Variants in EDEM3 observed in about 807,000 individuals in gnomAD.
The protein encoded by EDEM3 is ER degradation enhancing alpha-mannosidase like protein 3, also known as ER degradation-enhancing alpha-mannosidase-like protein 3.
EDEM3 carries 60 observed loss-of-function variants against 110.2 expected under a neutral mutation model. The ratio of observed to expected loss-of-function variants is 0.54; its 90% CI spans 0.44 to 0.67. The LOEUF (loss-of-function observed/expected upper bound fraction) is 0.67. EDEM3 is among the 30% of genes least tolerant of loss of function. The pLI, the probability that EDEM3 is intolerant of heterozygous loss-of-function variation, is 0.00. For synonymous variants in EDEM3, 352 were observed against 382.9 expected (o/e 0.92, Z 0.94); for missense variants, 996 against 1,121.0 (o/e 0.89, Z 1.59).
intron 1 of EDEM3, among the ~76,000 whole-genome samples, 165 bp from the exon 2 acceptor site, chr1:184,749,757 C>A (rs1288778767): frequency 6.6e-6 from 1 of 151,926 alleles, no homozygotes; most frequent in Non-Finnish European, 1.5e-5. Context: ...ACTACAACAG[C>A]TAGCAGACAA....
intron 18 of EDEM3, among the ~76,000 whole-genome samples, chr1:184,704,549 G>A (rs900534726): frequency 6.9e-6 from 1 of 145,568 alleles, no homozygotes; most frequent in Non-Finnish European, 1.5e-5. Flanking sequence ...TACTCAGGAG[G>A]CTGAGGCATA....
chr1:184,733,043 A>T, intron 5 of EDEM3, 53 bp from the exon 6 acceptor site: 2 of 1,532,646 alleles, frequency 1.3e-6, no homozygotes, highest in Non-Finnish European at 8.8e-7. Context: ...ATTAAAAGTT[A>T]CCATCTAAAA....
chr1:184,716,737 G>T, intron 13 of EDEM3, 151 bp downstream of exon 13: 1 of 1,033,380 alleles, frequency 9.7e-7, no homozygotes, highest in Non-Finnish European at 1.3e-6. Context: ...TAAAATTAGT[G>T]TATTCAACAG....
chr1:184,749,518 TGGTA>T, intron 2 of EDEM3, 25 bp downstream of exon 2: 1 of 1,488,058 alleles, frequency 6.7e-7, no homozygotes, highest in Non-Finnish European at 9.2e-7. Flanking sequence ...CTCACATAAA[TGGTA>T]GGTAAAGATA....
chr1:184,726,221 A>G lies in EDEM3; in HGVS notation c.747+34T>C, dbSNP rs186925731. 124 of 1,608,334 alleles carry G rather than the reference A, an allele frequency of 7.7e-5. No homozygotes were observed. The African/African-American group carries it at 1.5e-3, about 20-fold the overall frequency. ...GAAGATATAAAGGTAGTTATGCCCA[A>G]TACCCAGGATATCAAAGACCGTAAA... On this transcript the variant is annotated intron_variant, in intron 7 of 19. Transcript: ENST00000318130.
In EDEM3 at chr1:184,721,503, A is replaced by T. The variant is rs1445874795; in HGVS notation, c.854-117T>A. 4.9e-6 allele frequency: 3 copies of T among 609,586 alleles called. No individual in the cohort carries two copies. In the Admixed American group the frequency reaches 1.1e-4, roughly 23 times the overall value. 37.8% of individuals were successfully genotyped at this position (609,586 alleles called of 1,614,324 possible). Reference sequence around the variant, plus strand: ...TAACATTGTGCATATATATGACTACACCAGTTTAGATTTGCCCTGGAACAG... The same window carrying T: ...TAACATTGTGCATATATATGACTACTCCAGTTTAGATTTGCCCTGGAACAG... On this transcript the variant is annotated intron_variant, in intron 8 of 19. Coordinates refer to ENST00000318130, the MANE Select transcript of EDEM3 (RefSeq NM_025191.4).
rs115323973 is a variant in EDEM3, at chr1:184,706,892, A to G, written c.2038-84T>C. On this transcript the variant is annotated intron_variant, in intron 17 of 19. Transcript: ENST00000318130. ...TAAACCTCAATATCTAGAGTTTTAA[A>G]AGAACTAGAACTCATTTCTTTTCTA... 4,108 of 1,363,830 alleles carry G rather than the reference A, an allele frequency of 3.0e-3. 38 individuals carry two copies. The highest frequency in any genetic ancestry group is 0.026 in the East Asian group (1,077 of 40,896). 84.5% of individuals were successfully genotyped at this position (1,363,830 alleles called of 1,614,324 possible).
At chr1:184,727,974 A>G (rs1651281114) in intron 6 of EDEM3, among the ~76,000 whole-genome samples, 1 of 152,228 alleles carries the variant, frequency 6.6e-6, no homozygotes, top group African/African-American at 2.4e-5. Context: ...ATAAAGATGT[A>G]ATCACATGAA....
chr1:184,705,070 C>A (rs1169884769), intron 18 of EDEM3, among the ~76,000 whole-genome samples: 2 of 151,874 alleles, frequency 1.3e-5, no homozygotes, highest in African/African-American at 4.8e-5. Flanking sequence ...GACACCATCT[C>A]AAAACAAACA....
chr1:184,738,965 T>C (rs1185876888), intron 2 of EDEM3, among the ~76,000 whole-genome samples: 1 of 151,844 alleles, frequency 6.6e-6, no homozygotes, highest in Non-Finnish European at 1.5e-5. Context: ...ACTGTTATAC[T>C]TTTTTTATAT....
chr1:184,701,222 A>C (rs1649602313), intron 19 of EDEM3, among the ~76,000 whole-genome samples: 1 of 152,082 alleles, frequency 6.6e-6, no homozygotes, highest in Admixed American at 6.6e-5. Flanking sequence ...AAATGTGATC[A>C]AAGTAATAAA....
At chr1:184,727,680 T>C (rs574374393) in intron 6 of EDEM3, among the ~76,000 whole-genome samples, 5 of 152,206 alleles carry the variant, frequency 3.3e-5, no homozygotes, top group Admixed American at 3.3e-4. Context: ...ACTGTTAATG[T>C]TGTTCTCAGT....
At chr1:184,731,646 C>T (rs914666654) in intron 6 of EDEM3, among the ~76,000 whole-genome samples, 6 of 152,212 alleles carry the variant, frequency 3.9e-5, no homozygotes, top group African/African-American at 1.4e-4. Context: ...CTCCTTTGGA[C>T]AGTTAACACC....
chr1:184,754,561 C>G lies in EDEM3; in HGVS notation c.86G>C (p.Cys29Ser). Residue 29 changes from cysteine to serine, a missense_variant, in exon 1 of 20, where the codon TGC becomes TCC. Cys to Ser is a moderately radical substitution (Grantham distance 112). Transcript: ENST00000318130. ...CCACACGGAGGTGGCCGACACCAGGCAGAACGCGGCCGTCGCCGCCACTAG... is the reference window on the plus strand; with the variant it reads ...CCACACGGAGGTGGCCGACACCAGGGAGAACGCGGCCGTCGCCGCCACTAG... ...WRLVAATAAF[C>S]LVSATSVWTA... 1 of 1,611,790 alleles carries G rather than the reference C, an allele frequency of 6.2e-7. No homozygotes were observed. Among genetic ancestry groups the G allele is most frequent in the Non-Finnish European group, 8.5e-7 (1 of 1,179,544 alleles).
rs1650634553 is a variant in EDEM3, at chr1:184,717,774, A to G, written c.1162-151T>C. On this transcript the variant is annotated intron_variant, in intron 11 of 19. Coordinates refer to ENST00000318130, the MANE Select transcript of EDEM3 (RefSeq NM_025191.4). ...AAAACATCAATTTTCATTGCTTAAA[A>G]TAACAATTCATTTTGCAAAGGCTGC... The G allele has an allele frequency of 1.9e-5, 10 of 525,044 alleles. No individual in the cohort carries two copies. The South Asian group carries it at 3.7e-4, about 19-fold the overall frequency. 32.5% of individuals were successfully genotyped at this position (525,044 alleles called of 1,614,324 possible).
chr1:184,719,940 C>CTT (rs1251381338), intron 9 of EDEM3, among the ~76,000 whole-genome samples: 2 of 152,312 alleles, frequency 1.3e-5, no homozygotes, highest in African/African-American at 2.4e-5. Flanking sequence ...ACAGAATTTG[C>CTT]TTTTTCCTGT....
intron 6 of EDEM3, among the ~76,000 whole-genome samples, chr1:184,728,509 A>C (rs1651314508): frequency 6.6e-6 from 1 of 152,206 alleles, no homozygotes; most frequent in South Asian, 2.1e-4. Context: ...GACTGCTATA[A>C]AATTTGTAAA....
Position 184,754,696 on chromosome 1 carries a change from A to C in EDEM3, c.-50T>G, listed in dbSNP as rs1038512112. ...AGCTGCTACGCCCGGCCGGTGAGAC[A>C]CATTGCTGGACGCTGGTGGCCAGGG... On this transcript the variant is annotated 5_prime_UTR_variant, in exon 1 of 20. Transcript: ENST00000318130. 2.0e-6 allele frequency: 3 copies of C among 1,478,100 alleles called. No homozygotes were observed. The highest frequency in any genetic ancestry group is 2.7e-6 in the Non-Finnish European group (3 of 1,117,424). 91.6% of individuals were successfully genotyped at this position (1,478,100 alleles called of 1,614,324 possible).
At chr1:184,697,047 T>TA (rs964835684) in intron 19 of EDEM3, among the ~76,000 whole-genome samples, 1 of 151,882 alleles carries the variant, frequency 6.6e-6, no homozygotes, top group South Asian at 2.1e-4. Context: ...TTAGAATTGA[T>TA]AAAAAAAATT....
Sources: gnomAD v4.1 joint callset for allele counts (sites outside exome capture counted in the v4.1 genomes callset) on GRCh38, gnomAD v4.1.1 for gene constraint, MANE v1.5 for transcripts, NCBI Gene and HGNC (gene_info 2026-07-23, HGNC 2026-07-21) for gene names.